Variants in CTNNA2 observed in about 807,000 individuals in gnomAD.
The protein encoded by CTNNA2 is catenin alpha-2.
CTNNA2 carries 42 observed loss-of-function variants against 101.0 expected under a neutral mutation model. The ratio of observed to expected loss-of-function variants is 0.42; its 90% confidence interval spans 0.32 to 0.54. The LOEUF is 0.54. Among genes scored for constraint, CTNNA2 ranks in the 20% least tolerant of loss-of-function variants. The probability of loss-of-function intolerance (pLI) is 0.14; values close to 1 mark genes in which losing one functional copy is unlikely to be tolerated. For synonymous variants in CTNNA2, 450 were observed against 456.4 expected, an observed-to-expected ratio of 0.99 and a Z score of 0.18; for missense variants, 871 against 1,223.1, an observed-to-expected ratio of 0.71 and a Z score of 4.29.
chr2:80,457,238 A>G (rs1222266646), intron 9 of CTNNA2, among the ~76,000 whole-genome samples: 1 of 151,898 alleles, frequency 6.6e-6, no homozygotes, highest in East Asian at 1.9e-4. Context: ...TAATTTTTGT[A>G]TCTTTAGTAG....
intron 7 of CTNNA2, among the ~76,000 whole-genome samples, chr2:80,059,051 TTAA>T (rs1697406474): frequency 6.6e-6 from 1 of 152,242 alleles, no homozygotes; most frequent in Non-Finnish European, 1.5e-5. Flanking sequence ...CAAATTATTG[TTAA>T]TAACACATTT....
chr2:79,679,131 C>T (rs561259077), intron 2 of CTNNA2, among the ~76,000 whole-genome samples: 1 of 152,292 alleles, frequency 6.6e-6, no homozygotes, highest in East Asian at 1.9e-4. Flanking sequence ...CATTATAAAA[C>T]TGTGTTTCGC....
chr2:80,208,034 A>T (rs1464355114), intron 7 of CTNNA2, among the ~76,000 whole-genome samples: 2 of 152,212 alleles, frequency 1.3e-5, no homozygotes, highest in Non-Finnish European at 2.9e-5. Context: ...GTGGATCTGG[A>T]TAAGTAGCTC....
chr2:79,220,255 G>A (rs757834554), intron 2 of CTNNA2, among the ~76,000 whole-genome samples: 2 of 151,966 alleles, frequency 1.3e-5, no homozygotes, highest in Non-Finnish European at 2.9e-5. Context: ...TCAAAGGGTG[G>A]GAAAATTAAG....
chr2:80,341,994 T>G (rs1672292033), intron 7 of CTNNA2, among the ~76,000 whole-genome samples: 1 of 152,222 alleles, frequency 6.6e-6, no homozygotes, highest in African/African-American at 2.4e-5. Flanking sequence ...TTGTGCTAAG[T>G]AAAGGAAGAT....
chr2:80,262,201 T>G lies in CTNNA2; in HGVS notation c.1057-131010T>G, dbSNP rs142404152. 5.9e-3 allele frequency among the ~76,000 whole-genome samples: 897 copies of G among 152,232 alleles called. 15 individuals are homozygous for G. The highest frequency in any genetic ancestry group is 0.02 in the African/African-American group (849 of 41,552). ...GAAGATCTCCAGATGTATCTGGAGA[T>G]TCTACATCTATATAGCTGGAGATCA... On this transcript the variant is annotated intron_variant, in intron 7 of 18. Coordinates refer to ENST00000402739, the MANE Select transcript of CTNNA2 (RefSeq NM_001282597.3).
rs142693970 is a variant in CTNNA2 at position 80,162,604 on chromosome 2, G to A, written c.1057-230607G>A. 923 of 1,610,966 alleles carry A rather than the reference G, an allele frequency of 5.7e-4. 4 individuals are homozygous for A. The African/African-American group carries it at 0.01, about 18-fold the overall frequency. On this transcript the variant is annotated intron_variant, in intron 7 of 18. Coordinates refer to ENST00000402739, the MANE Select transcript of CTNNA2 (RefSeq NM_001282597.3). ...CCATGATCAGTGTAACGCTGTTCCC[G>A]GCTATAATGTCTATCTGCTAGGTAG...
chr2:79,826,901 G>T (rs530921697), intron 3 of CTNNA2, among the ~76,000 whole-genome samples: 1 of 152,202 alleles, frequency 6.6e-6, no homozygotes, highest in Non-Finnish European at 1.5e-5. Context: ...GGAAGAGAAA[G>T]AGAGTCATTA....
chr2:80,216,784 A>G (rs750819230), intron 7 of CTNNA2, among the ~76,000 whole-genome samples: 26 of 152,168 alleles, frequency 1.7e-4, no homozygotes, highest in Non-Finnish European at 3.4e-4. Flanking sequence ...GAAAATATTC[A>G]CAGACATAAT....
chr2:79,278,122 C>T (rs13009491), intron 2 of CTNNA2, among the ~76,000 whole-genome samples: 58,223 of 152,068 alleles, frequency 0.38, 12,211 homozygotes, highest in Non-Finnish European at 0.46. Context: ...AAGACAACAT[C>T]GGCTCTTGCT....
chr2:79,387,104 T>G (rs1678114312), intron 4 of CTNNA2, among the ~76,000 whole-genome samples: 1 of 152,192 alleles, frequency 6.6e-6, no homozygotes, highest in Non-Finnish European at 1.5e-5. Context: ...TTCTTGAGGA[T>G]CAGGCTGACC....
At chr2:80,633,580 A>AG (rs1312826850) in intron 18 of CTNNA2, among the ~76,000 whole-genome samples, 1 of 152,214 alleles carries the variant, frequency 6.6e-6, no homozygotes, top group Non-Finnish European at 1.5e-5. Flanking sequence ...GACTTAGGGC[A>AG]GGAAAAGCCT....
chr2:80,464,972 A>G lies in CTNNA2; in HGVS notation c.1290+45371A>G, dbSNP rs1313770196. Reference sequence around the variant, plus strand: ...GGTTTTGTTTCTTTCTCTGAGATTCATGGCATAAACCCTCATAAATACTAA... The same window carrying G: ...GGTTTTGTTTCTTTCTCTGAGATTCGTGGCATAAACCCTCATAAATACTAA... On this transcript the variant is annotated intron_variant, in intron 9 of 18. Coordinates refer to ENST00000402739, the MANE Select transcript of CTNNA2 (RefSeq NM_001282597.3). Among the ~76,000 whole-genome samples, 3 of 152,150 alleles carry G rather than the reference A, an allele frequency of 2.0e-5. No individual in the cohort carries two copies. The East Asian group carries it at 5.8e-4, about 29-fold the overall frequency.
chr2:80,087,587 C>G (rs537686736), intron 7 of CTNNA2, among the ~76,000 whole-genome samples: 4 of 152,152 alleles, frequency 2.6e-5, no homozygotes, highest in African/African-American at 9.6e-5. Flanking sequence ...GTGTGGGCTG[C>G]TCTCTGGAGT....
At chr2:79,420,082 T>C (rs1335743536) in intron 4 of CTNNA2, among the ~76,000 whole-genome samples, 9 of 152,116 alleles carry the variant, frequency 5.9e-5, no homozygotes, top group Non-Finnish European at 1.0e-4. Context: ...CCAAGAACCC[T>C]CCTCAGCTTC....
intron 9 of CTNNA2, among the ~76,000 whole-genome samples, chr2:80,423,991 T>C (rs1228529141): frequency 6.6e-6 from 1 of 152,114 alleles, no homozygotes; most frequent in Non-Finnish European, 1.5e-5. Flanking sequence ...AGTCTCGCAC[T>C]GTCGCCTGGG....
chr2:79,317,988 T>C (rs1486147669), intron 3 of CTNNA2, among the ~76,000 whole-genome samples: 1 of 152,072 alleles, frequency 6.6e-6, no homozygotes, highest in Non-Finnish European at 1.5e-5. Flanking sequence ...TATATGATTG[T>C]TGCCCATTCA....
chr2:79,936,667 C>A (rs1305735835), intron 7 of CTNNA2, among the ~76,000 whole-genome samples: 2 of 152,072 alleles, frequency 1.3e-5, no homozygotes, highest in Non-Finnish European at 2.9e-5. Flanking sequence ...CTTAAGCCAT[C>A]GTTCCTCACC....
rs547577695 is a variant in CTNNA2 at position 80,497,904 on chromosome 2, A to G, written c.1291-47078A>G. Among the ~76,000 whole-genome samples, 3 of 152,256 alleles carry G rather than the reference A, an allele frequency of 2.0e-5. No individual in the cohort carries two copies. In the East Asian group the frequency reaches 5.8e-4, roughly 29 times the overall value. On this transcript the variant is annotated intron_variant, in intron 9 of 18. Coordinates refer to ENST00000402739, the MANE Select transcript of CTNNA2 (RefSeq NM_001282597.3). ...GAGCTTGGAAGGGGCCTCAGATGAGATCAGACCATGGCTGACACCTTAATT... is the reference window on the plus strand; with the variant it reads ...GAGCTTGGAAGGGGCCTCAGATGAGGTCAGACCATGGCTGACACCTTAATT...
Sources: gnomAD v4.1 joint callset for allele counts (sites outside exome capture counted in the v4.1 genomes callset) on GRCh38, gnomAD v4.1.1 for gene constraint, MANE v1.5 for transcripts, NCBI Gene and HGNC (gene_info 2026-07-23, HGNC 2026-07-21) for gene names.